The following LDB2 variants were observed in gnomAD, a reference collection of about 807,000 sequenced individuals.
The protein encoded by LDB2 is LIM domain-binding protein 2.
Under a neutral mutation model 44.3 loss-of-function variants are expected in LDB2, and 12 were observed. The ratio of observed to expected loss-of-function variants is 0.27; its 90% CI spans 0.17 to 0.44. LDB2 has a LOEUF of 0.44. Ranked by LOEUF, LDB2 falls within the 20% of genes least tolerant of loss-of-function variation. The pLI, the probability that LDB2 is intolerant of heterozygous loss-of-function variation, is 1.00. For missense variants in LDB2, 344 were observed against 473.5 expected (o/e 0.73, Z 2.54); for synonymous variants, 164 against 174.8 (o/e 0.94, Z 0.49).
At chr4:16,880,236 C>G (rs1719656587) in intron 1 of LDB2, among the ~76,000 whole-genome samples, 1 of 152,104 alleles carries the variant, frequency 6.6e-6, no homozygotes, top group Admixed American at 6.6e-5. Flanking sequence ...TAGTGAAGAT[C>G]AATTAGAATT....
intron 1 of LDB2, among the ~76,000 whole-genome samples, chr4:16,887,860 T>A (rs903562291): frequency 1.3e-5 from 2 of 152,108 alleles, no homozygotes; most frequent in Admixed American, 6.5e-5. Context: ...AGAATTCCTA[T>A]TGAATTCTTC....
At chr4:16,645,328 A>C (rs1736416592) in intron 2 of LDB2, among the ~76,000 whole-genome samples, 1 of 151,656 alleles carries the variant, frequency 6.6e-6, no homozygotes, top group Non-Finnish European at 1.5e-5. Context: ...TGAGGTCAGG[A>C]GATCGAGACC....
chr4:16,853,655 C>T (rs1332177743), intron 1 of LDB2, among the ~76,000 whole-genome samples: 2 of 152,138 alleles, frequency 1.3e-5, no homozygotes, highest in African/African-American at 4.8e-5. Flanking sequence ...AAAATCACTA[C>T]CTAATAAAAA....
At chr4:16,858,401 G>A (rs1789807235) in intron 1 of LDB2, among the ~76,000 whole-genome samples, 1 of 152,224 alleles carries the variant, frequency 6.6e-6, no homozygotes, top group Admixed American at 6.5e-5. Flanking sequence ...CCTGCAACTA[G>A]ACGAGCCAGT....
chr4:16,527,221 G>A (rs1337613778), intron 5 of LDB2, among the ~76,000 whole-genome samples: 2 of 152,172 alleles, frequency 1.3e-5, no homozygotes, highest in Non-Finnish European at 2.9e-5. Flanking sequence ...GCAGAGGGAA[G>A]AGCAAGAGTG....
intron 5 of LDB2, among the ~76,000 whole-genome samples, chr4:16,579,247 T>C (rs567249101): frequency 2.0e-5 from 3 of 152,338 alleles, no homozygotes; most frequent in African/African-American, 4.8e-5. Flanking sequence ...TTGATGTGAT[T>C]ATGATGCATT....
chr4:16,890,196 C>T (rs1200796666), intron 1 of LDB2, among the ~76,000 whole-genome samples: 4 of 152,164 alleles, frequency 2.6e-5, no homozygotes, highest in Non-Finnish European at 5.9e-5. Context: ...AAGAATGGAC[C>T]ATCAGGAAGG....
intron 3 of LDB2, among the ~76,000 whole-genome samples, chr4:16,594,772 A>G (rs1720307166): frequency 6.6e-6 from 1 of 152,242 alleles, no homozygotes; most frequent in Non-Finnish European, 1.5e-5. Context: ...TCCTAAGTAT[A>G]AAGAGAGCGT....
intron 1 of LDB2, among the ~76,000 whole-genome samples, chr4:16,874,505 A>G (rs1272831851): frequency 6.6e-6 from 1 of 152,166 alleles, no homozygotes; most frequent in Non-Finnish European, 1.5e-5. Flanking sequence ...AATGGGTGCG[A>G]ATGGTTTGGA....
At chr4:16,851,529 G>A (rs895719934) in intron 1 of LDB2, among the ~76,000 whole-genome samples, 7 of 151,966 alleles carry the variant, frequency 4.6e-5, no homozygotes, top group Non-Finnish European at 1.0e-4. Context: ...AGGAGGTGGA[G>A]GTTGCAGTGA....
chr4:16,578,369 A>G (rs1712716780), intron 5 of LDB2, among the ~76,000 whole-genome samples: 2 of 152,346 alleles, frequency 1.3e-5, no homozygotes, highest in South Asian at 4.1e-4. Context: ...AAAAGATCTG[A>G]TAATCTGATT....
intron 1 of LDB2, among the ~76,000 whole-genome samples, chr4:16,760,057 A>C (rs1034451550): frequency 3.9e-5 from 6 of 152,180 alleles, no homozygotes; most frequent in Non-Finnish European, 7.4e-5. Flanking sequence ...TGAATTAAGA[A>C]GGTTATACAG....
intron 1 of LDB2, among the ~76,000 whole-genome samples, chr4:16,840,621 A>G (rs1197476073): frequency 1.3e-5 from 2 of 152,224 alleles, no homozygotes; most frequent in Non-Finnish European, 2.9e-5. Flanking sequence ...CTAAGGTCCA[A>G]TAGACTTGGG....
intron 1 of LDB2, among the ~76,000 whole-genome samples, chr4:16,881,602 CTTTTT>C (rs34180998): frequency 7.5e-6 from 1 of 133,206 alleles, no homozygotes; most frequent in African/African-American, 2.8e-5. Context: ...GAATTTGGGC[CTTTTT>C]TTTTTTTTTT....
At chr4:16,652,018 A>G (rs1007545026) in intron 2 of LDB2, among the ~76,000 whole-genome samples, 1 of 152,102 alleles carries the variant, frequency 6.6e-6, no homozygotes, top group Non-Finnish European at 1.5e-5. Context: ...TGGCATGATC[A>G]TAGTGCACTG....
intron 1 of LDB2, among the ~76,000 whole-genome samples, chr4:16,878,333 G>A (rs2110407165): frequency 6.6e-6 from 1 of 152,338 alleles, no homozygotes; most frequent in Admixed American, 6.5e-5. Context: ...GATAAAGCCT[G>A]AGAAGGGTTC....
intron 1 of LDB2, among the ~76,000 whole-genome samples, chr4:16,784,975 A>G (rs927808197): frequency 2.0e-5 from 3 of 150,942 alleles, no homozygotes; most frequent in Non-Finnish European, 4.4e-5. Context: ...AGATTATTAC[A>G]ATGAGTGGGT....
chr4:16,791,583 C>T (rs1309902391), intron 1 of LDB2, among the ~76,000 whole-genome samples: 2 of 51,362 alleles, frequency 3.9e-5, no homozygotes, highest in African/African-American at 1.2e-4. Context: ...GAAAGACAGC[C>T]ATTACAAATA....
In LDB2 at chr4:16,898,361, C is replaced by T; in HGVS notation, c.125G>A (p.Arg42His). The stretch of plus-strand genomic sequence containing the variant: ...CAAGGTTGAAGTACTTACCTCTGTG[C>T]GAGACTGCAGTCTCTTGTTCATCTC... Reference protein sequence around the residue: ...IYEMNKRLQSRTEDSDNLWWD... With the variant: ...IYEMNKRLQSHTEDSDNLWWD... The change falls in exon 1 of 8, where the codon CGC (arginine) becomes CAC (histidine). Residue 42 changes from arginine to histidine, a missense_variant. Arg to His is a conservative substitution (Grantham distance 29). Around this residue, in one of 3 missense-constraint regions of LDB2, gnomAD observed 226 missense variants for 270.1 expected, o/e 0.84. Coordinates refer to ENST00000304523, the MANE Select transcript of LDB2 (RefSeq NM_001290.5). 2.5e-6 allele frequency: 4 copies of T among 1,612,914 alleles called. No individual in the cohort carries two copies. The highest frequency in any genetic ancestry group is 2.5e-6 in the Non-Finnish European group (3 of 1,179,276).
Sources: gnomAD v4.1 joint callset for allele counts (sites outside exome capture counted in the v4.1 genomes callset) on GRCh38, gnomAD v4.1.1 for gene constraint, gnomAD v4.1.1 regional missense constraint, MANE v1.5 for transcripts, NCBI Gene and HGNC (gene_info 2026-07-23, HGNC 2026-07-21) for gene names.